The following CHRM5 variants were observed in gnomAD, a reference collection of about 807,000 sequenced individuals.
CHRM5 encodes the protein cholinergic receptor muscarinic 5.
Under a neutral mutation model 39.0 loss-of-function variants are expected in CHRM5, and 18 were observed. The observed-to-expected ratio is 0.46, with a 90% CI of 0.32 to 0.68. The LOEUF is 0.68. Among genes scored for constraint, CHRM5 ranks in the 30% least tolerant of loss-of-function variants. The probability of loss-of-function intolerance (pLI) is 0.04; values close to 1 mark genes in which losing one functional copy is unlikely to be tolerated. For missense variants in CHRM5, 515 were observed against 651.1 expected (o/e 0.79, Z 2.28); for synonymous variants, 241 against 246.3 (o/e 0.98, Z 0.20).
rs190272452 is a variant in CHRM5, at chr15:34,033,666, A to G, written c.-407-12874A>G. On this transcript the variant is annotated intron_variant, in intron 1 of 2. Coordinates refer to ENST00000383263, the MANE Select transcript of CHRM5 (RefSeq NM_012125.4). Reference sequence around the variant, plus strand: ...AAGACATGAAATGGTAACCACTAAAAAACTTTCAAGTATGAAATATATTCT... The same window carrying G: ...AAGACATGAAATGGTAACCACTAAAGAACTTTCAAGTATGAAATATATTCT... Among the ~76,000 whole-genome samples the G allele has an allele frequency of 2.0e-5, 3 of 152,344 alleles. No homozygotes were observed. The East Asian group carries it at 5.8e-4, about 29-fold the overall frequency.
In CHRM5 at chr15:33,999,431, A is replaced by G. The variant is rs534341496; in HGVS notation, c.-408+30281A>G. Among the ~76,000 whole-genome samples, 3 of 152,296 alleles carry G rather than the reference A, an allele frequency of 2.0e-5. No individual in the cohort carries two copies. In the East Asian group the frequency reaches 5.8e-4, roughly 29 times the overall value. Reference sequence around the variant, plus strand: ...AGTGTTCAATTATATTGAGTGTGCCAGCCATTTATTAAGGAATTCTGACTG... The same window carrying G: ...AGTGTTCAATTATATTGAGTGTGCCGGCCATTTATTAAGGAATTCTGACTG... On this transcript the variant is annotated intron_variant, in intron 1 of 2. Transcript: ENST00000383263.
chr15:33,971,025 A>C (rs992960888), intron 1 of CHRM5, among the ~76,000 whole-genome samples: 7 of 151,990 alleles, frequency 4.6e-5, no homozygotes, highest in South Asian at 4.1e-4. Context: ...GCTTTCAAAA[A>C]AATACCCTAC....
intron 1 of CHRM5, among the ~76,000 whole-genome samples, chr15:33,994,788 T>C (rs1597326382): frequency 6.6e-6 from 1 of 152,202 alleles, no homozygotes; most frequent in East Asian, 1.9e-4. Context: ...CTCTTGAAGT[T>C]CTATATTCTC....
intron 1 of CHRM5, among the ~76,000 whole-genome samples, chr15:33,974,045 A>G (rs559558276): frequency 6.6e-6 from 1 of 152,334 alleles, no homozygotes; most frequent in South Asian, 2.1e-4. Flanking sequence ...TAGGGATAGT[A>G]TATGATATTA....
chr15:34,064,149 C>A lies in CHRM5; in HGVS notation c.1432C>A (p.His478Asn). 6.2e-7 allele frequency: 1 copy of A among 1,614,218 alleles called. No homozygotes were observed. Among genetic ancestry groups the A allele is most frequent in the Non-Finnish European group, 8.5e-7 (1 of 1,180,038 alleles). ...CDKCVPVTLWHLGYWLCYVNS... is the reference protein window; with the variant it reads ...CDKCVPVTLWNLGYWLCYVNS... Reference sequence around the variant, plus strand: ...CAAGTGTGTCCCAGTCACCCTGTGGCACTTGGGCTATTGGTTGTGCTATGT... The same window carrying A: ...CAAGTGTGTCCCAGTCACCCTGTGGAACTTGGGCTATTGGTTGTGCTATGT... The change falls in exon 3 of 3, where the codon CAC becomes AAC. Residue 478 changes from histidine (H) to asparagine (N), a missense_variant. Coordinates refer to ENST00000383263, the MANE Select transcript of CHRM5 (RefSeq NM_012125.4).
chr15:33,974,126 G>A (rs554278296), intron 1 of CHRM5, among the ~76,000 whole-genome samples: 5 of 152,104 alleles, frequency 3.3e-5, no homozygotes, highest in African/African-American at 1.2e-4. Context: ...TGGAAATCAC[G>A]TTTGCTATAC....
intron 1 of CHRM5, among the ~76,000 whole-genome samples, chr15:33,970,879 A>C (rs1298094782): frequency 1.3e-5 from 2 of 151,970 alleles, no homozygotes; most frequent in African/African-American, 4.8e-5. Flanking sequence ...GGGCAAATGA[A>C]TACTACCTTG....
intron 1 of CHRM5, among the ~76,000 whole-genome samples, chr15:34,013,733 C>T (rs1406469383): frequency 6.6e-6 from 1 of 152,084 alleles, no homozygotes; most frequent in Non-Finnish European, 1.5e-5. Flanking sequence ...AAAAACATCA[C>T]CAATGGGGGA....
intron 1 of CHRM5, among the ~76,000 whole-genome samples, chr15:34,027,660 ACCTC>A (rs1898551137): frequency 6.6e-6 from 1 of 151,972 alleles, no homozygotes. Context: ...ACACCATTTG[ACCTC>A]CCTGACAGCT....
chr15:33,987,808 T>C (rs1195560451), intron 1 of CHRM5, among the ~76,000 whole-genome samples: 2 of 152,198 alleles, frequency 1.3e-5, no homozygotes, highest in African/African-American at 2.4e-5. Flanking sequence ...CAGCGCTGCA[T>C]GCAGAAGCTG....
At chr15:33,970,249 T>C (rs529652521) in intron 1 of CHRM5, among the ~76,000 whole-genome samples, 57 of 152,028 alleles carry the variant, frequency 3.7e-4, no homozygotes, top group Non-Finnish European at 3.4e-4. Flanking sequence ...TTTCAAATTT[T>C]AGTTAAGGGA....
rs1392570313 is a variant in CHRM5, at chr15:34,040,373, T to C, written c.-407-6167T>C. 2.0e-5 allele frequency among the ~76,000 whole-genome samples: 3 copies of C among 152,152 alleles called. No homozygotes were observed. In the South Asian group the frequency reaches 6.2e-4, roughly 32 times the overall value. ...AATAGACCCCTGAGCTAAAGCCTAA[T>C]GGTTGAGTAGGAGTTTGCCTGGTTG... On this transcript the variant is annotated intron_variant, in intron 1 of 2. Coordinates refer to ENST00000383263, the MANE Select transcript of CHRM5 (RefSeq NM_012125.4).
chr15:33,991,647 A>G (rs972744810), intron 1 of CHRM5: 1 of 152,210 alleles, frequency 6.6e-6, no homozygotes, highest in Non-Finnish European at 1.5e-5. Context: ...GGGAAATAAA[A>G]TGGATACACT....
At chr15:34,038,714 T>C in intron 1 of CHRM5, 1 of 1,117,940 alleles carries the variant, frequency 8.9e-7, no homozygotes, top group Non-Finnish European at 1.1e-6. Context: ...GGCTCTTGAC[T>C]GGCGGCCTCG....
At chr15:33,991,391 A>C (rs1453961246) in intron 1 of CHRM5, 1 of 152,196 alleles carries the variant, frequency 6.6e-6, no homozygotes, top group Non-Finnish European at 1.5e-5. Context: ...AATGCTTGAG[A>C]GGATGGATAC....
chr15:34,024,495 A>C (rs1014067506), intron 1 of CHRM5, among the ~76,000 whole-genome samples: 1 of 142,838 alleles, frequency 7.0e-6, no homozygotes, highest in African/African-American at 2.5e-5. Context: ...AAAAAAAAAG[A>C]AGCACTTTGC....
Position 33,990,199 on chromosome 15 carries a change from G to A in CHRM5, c.-408+21049G>A, listed in dbSNP as rs537464842. ...AGACTGGGCAACAGGGTGAGACTCC[G>A]TCTCAAAAAAAAACAAAACAAAACA... On this transcript the variant is annotated intron_variant, in intron 1 of 2. Transcript: ENST00000383263. 3.3e-5 allele frequency among the ~76,000 whole-genome samples: 5 copies of A among 151,420 alleles called. No individual in the cohort carries two copies. In the South Asian group the frequency reaches 1.0e-3, roughly 32 times the overall value.
At chr15:33,993,714 C>CTGG (rs980609693) in intron 1 of CHRM5, among the ~76,000 whole-genome samples, 53 of 152,304 alleles carry the variant, frequency 3.5e-4, no homozygotes, top group African/African-American at 1.3e-3. Context: ...ACCACACCTG[C>CTGG]TACCGGGCCC....
chr15:34,048,108 T>C (rs1483737578), intron 2 of CHRM5, among the ~76,000 whole-genome samples: 1 of 152,084 alleles, frequency 6.6e-6, no homozygotes, highest in African/African-American at 2.4e-5. Flanking sequence ...ACTCCTGAAC[T>C]CAAGCAATCC....
Sources: gnomAD v4.1 joint callset for allele counts (sites outside exome capture counted in the v4.1 genomes callset) on GRCh38, gnomAD v4.1.1 for gene constraint, MANE v1.5 for transcripts, NCBI Gene and HGNC (gene_info 2026-07-23, HGNC 2026-07-21) for gene names.